The following TBCK variants were observed in gnomAD, a reference collection of about 807,000 sequenced individuals.
TBCK encodes TBC domain-containing protein kinase-like protein.
TBCK carries 99 observed loss-of-function variants against 113.4 expected under a neutral mutation model. That is an observed-to-expected ratio of 0.87 (90% CI 0.74 to 1.03). The LOEUF is 1.03. Among genes scored for constraint, TBCK ranks in the 50% least tolerant of loss-of-function variants. The probability of loss-of-function intolerance (pLI) is 0.00; values close to 1 mark genes in which losing one functional copy is unlikely to be tolerated. For missense variants in TBCK, 1,045 were observed against 1,061.3 expected, an observed-to-expected ratio of 0.98 and a Z score of 0.21; for synonymous variants, 369 against 370.8, an observed-to-expected ratio of 1.00 and a Z score of 0.05.
At chr4:106,086,270 A>T (rs976395509) in intron 25 of TBCK, among the ~76,000 whole-genome samples, 2 of 152,208 alleles carry the variant, frequency 1.3e-5, no homozygotes, top group Admixed American at 1.3e-4. Context: ...ATGCCACGGA[A>T]ATACAAACTA....
chr4:106,242,632 G>T, intron 11 of TBCK, 63 bp from the exon 12 acceptor site: 1 of 1,195,782 alleles, frequency 8.4e-7, no homozygotes, highest in Non-Finnish European at 1.2e-6. Context: ...CTTCTAGAAA[G>T]TAAAGTTTAT....
At chr4:106,131,262 G>C (rs755874420) in intron 23 of TBCK, among the ~76,000 whole-genome samples, 2 of 152,186 alleles carry the variant, frequency 1.3e-5, no homozygotes, top group Non-Finnish European at 2.9e-5. Context: ...AATTAAACAT[G>C]TTTCCTTTAT....
chr4:106,106,073 GCAGT>G (rs1049328742), intron 24 of TBCK, among the ~76,000 whole-genome samples: 3 of 151,808 alleles, frequency 2.0e-5, no homozygotes, highest in African/African-American at 7.3e-5. Context: ...TTGAAGTAAG[GCAGT>G]CAGACTAAAA....
At chr4:106,154,621 T>C (rs1010656384) in intron 23 of TBCK, among the ~76,000 whole-genome samples, 6 of 152,056 alleles carry the variant, frequency 3.9e-5, no homozygotes, top group Non-Finnish European at 8.8e-5. Context: ...ATGTAGCATC[T>C]CCCCCCTCTC....
At chr4:106,246,606 G>A (rs1176266398) in intron 10 of TBCK, among the ~76,000 whole-genome samples, 1 of 151,968 alleles carries the variant, frequency 6.6e-6, no homozygotes, top group Non-Finnish European at 1.5e-5. Flanking sequence ...CACTCCTTAA[G>A]GGCAAGAAAG....
At chr4:106,109,310 T>A (rs1302041766) in intron 24 of TBCK, among the ~76,000 whole-genome samples, 1 of 152,070 alleles carries the variant, frequency 6.6e-6, no homozygotes. Flanking sequence ...AGGGCCCGAA[T>A]ATCCAAGACG....
At chr4:106,238,047 T>G (rs12649709) in intron 12 of TBCK, among the ~76,000 whole-genome samples, 20,720 of 152,068 alleles carry the variant, frequency 0.14, 1,674 homozygotes, top group South Asian at 0.25. Flanking sequence ...GAAGAGTATT[T>G]TAAATTTCAC....
intron 25 of TBCK, among the ~76,000 whole-genome samples, chr4:106,071,755 G>C (rs1737481767): frequency 6.6e-6 from 1 of 152,098 alleles, no homozygotes; most frequent in African/African-American, 2.4e-5. Context: ...AGGTCTCTAG[G>C]ACTTGCTTTA....
intron 25 of TBCK, among the ~76,000 whole-genome samples, chr4:106,059,598 C>T (rs1674187309): frequency 6.6e-6 from 1 of 151,622 alleles, no homozygotes; most frequent in African/African-American, 2.4e-5. Context: ...ATTTCTGTTT[C>T]TCTCCTTCTC....
chr4:106,260,831 C>T (rs1463704295), intron 4 of TBCK, among the ~76,000 whole-genome samples: 1 of 151,876 alleles, frequency 6.6e-6, no homozygotes, highest in Non-Finnish European at 1.5e-5. Context: ...CAAAAACATT[C>T]TCATCTGTCT....
At chr4:106,179,786 T>C (rs1752117395) in intron 22 of TBCK, among the ~76,000 whole-genome samples, 1 of 151,984 alleles carries the variant, frequency 6.6e-6, no homozygotes, top group African/African-American at 2.4e-5. Context: ...AACTCCAGTG[T>C]TTCTGTGTTG....
intron 15 of TBCK, among the ~76,000 whole-genome samples, chr4:106,235,034 G>C (rs554419946): frequency 4.6e-5 from 7 of 152,020 alleles, no homozygotes; most frequent in South Asian, 2.1e-4. Context: ...AACATTTTCT[G>C]TGACCACTAT....
intron 11 of TBCK, among the ~76,000 whole-genome samples, chr4:106,243,419 A>C (rs907988053): frequency 1.3e-5 from 2 of 152,204 alleles, no homozygotes; most frequent in Non-Finnish European, 2.9e-5. Context: ...ATTTGTTTAC[A>C]ATTTCAATAA....
chr4:106,244,231 T>C (rs1237319269), intron 11 of TBCK, among the ~76,000 whole-genome samples: 2 of 152,234 alleles, frequency 1.3e-5, no homozygotes, highest in East Asian at 3.9e-4. Context: ...CATTTACAAG[T>C]ATATTTGGAA....
intron 22 of TBCK, among the ~76,000 whole-genome samples, chr4:106,183,409 C>T (rs193266211): frequency 3.9e-5 from 6 of 152,192 alleles, no homozygotes; most frequent in Non-Finnish European, 8.8e-5. Flanking sequence ...GTTTCTCTCT[C>T]TCAACCTATC....
chr4:106,117,735 C>T (rs1410914514), intron 23 of TBCK, among the ~76,000 whole-genome samples: 7 of 152,140 alleles, frequency 4.6e-5, no homozygotes, highest in Admixed American at 2.0e-4. Context: ...TTAGGCTGGG[C>T]GCGGTGGCTC....
Position 106,251,943 on chromosome 4 carries a change from G to C in TBCK, c.520C>G (p.Pro174Ala), listed in dbSNP as rs766038883. 5.0e-6 allele frequency: 8 copies of C among 1,611,802 alleles called. No individual in the cohort carries two copies. In the South Asian group the frequency reaches 8.8e-5, roughly 18 times the overall value. ...CCAGAAGGCAATGGTTTTTTACTTGGCATGTGATCAGTGGTTTTGAAAATT... is the reference window on the plus strand; with the variant it reads ...CCAGAAGGCAATGGTTTTTTACTTGCCATGTGATCAGTGGTTTTGAAAATT... Reference protein sequence around the residue: ...QGIFKTTDHMPSKKPLPSGPK... With the variant: ...QGIFKTTDHMASKKPLPSGPK... The change falls in exon 6 of 26, where the codon CCA (proline) becomes GCA (alanine). Residue 174 changes from proline (P) to alanine (A), a missense_variant. Coordinates refer to ENST00000394708, the MANE Select transcript of TBCK (RefSeq NM_001163435.3).
chr4:106,220,688 C>T (rs982207626), intron 19 of TBCK, among the ~76,000 whole-genome samples: 1 of 152,048 alleles, frequency 6.6e-6, no homozygotes, highest in African/African-American at 2.4e-5. Flanking sequence ...GCATTCTATC[C>T]GTCCATTGTC....
Position 106,248,987 on chromosome 4 carries a change from A to T in TBCK, c.659-5T>A, listed in dbSNP as rs1761135689. 1 of 1,579,954 alleles carries T rather than the reference A, an allele frequency of 6.3e-7. No individual in the cohort carries two copies. The highest frequency in any genetic ancestry group is 1.4e-5 in the African/African-American group (1 of 73,248). On this transcript the variant is annotated splice_polypyrimidine_tract_variant and splice_region_variant and intron_variant, in intron 7 of 25. Transcript: ENST00000394708. Reference sequence around the variant, plus strand: ...TTAAAGTGTCATCTACACAATCTATAAAACAGAAAAACTATATGAATAAAT... The same window carrying T: ...TTAAAGTGTCATCTACACAATCTATTAAACAGAAAAACTATATGAATAAAT...
Sources: allele counts gnomAD v4.1 joint callset (sites outside exome capture counted in the v4.1 genomes callset), GRCh38; gene constraint gnomAD v4.1.1; transcripts MANE v1.5; gene names NCBI Gene and HGNC (gene_info 2026-07-23, HGNC 2026-07-21).